Variants in WWC2 observed in about 807,000 individuals in gnomAD.
WWC2 encodes the protein WW and C2 domain containing 2.
A neutral mutation model predicts 138.5 loss-of-function variants in WWC2; 101 were observed. The ratio of observed to expected loss-of-function variants is 0.73; its 90% confidence interval spans 0.62 to 0.86. The LOEUF is 0.86. Ranked by LOEUF, WWC2 falls within the 40% of genes least tolerant of loss-of-function variation. WWC2 has a pLI of 0.00. For synonymous variants in WWC2, 558 were observed against 538.4 expected (o/e 1.04, Z -0.50); for missense variants, 1,420 against 1,419.4 (o/e 1.00, Z -0.01).
intron 1 of WWC2, among the ~76,000 whole-genome samples, chr4:183,107,877 A>G (rs1294154406): frequency 6.6e-6 from 1 of 152,022 alleles, no homozygotes; most frequent in Non-Finnish European, 1.5e-5. Flanking sequence ...ATCATCATTT[A>G]AAAAGTGAAA....
intron 1 of WWC2, among the ~76,000 whole-genome samples, chr4:183,135,683 A>T (rs1733088120): frequency 6.6e-6 from 1 of 152,152 alleles, no homozygotes. Context: ...CTTGCAACTC[A>T]AACCTACCAG....
chr4:183,204,899 A>G (rs1010502678), intron 2 of WWC2, among the ~76,000 whole-genome samples: 4 of 151,968 alleles, frequency 2.6e-5, no homozygotes, highest in African/African-American at 7.3e-5. Flanking sequence ...TTTTCACTCA[A>G]CATGTGTTTG....
chr4:183,231,960 G>C (rs1337246496), intron 4 of WWC2, among the ~76,000 whole-genome samples: 1 of 152,198 alleles, frequency 6.6e-6, no homozygotes, highest in Non-Finnish European at 1.5e-5. Flanking sequence ...CACAGGAGAA[G>C]GTGTGGGATC....
At chr4:183,245,047 T>TG (rs1383958576) in intron 5 of WWC2, among the ~76,000 whole-genome samples, 3 of 151,758 alleles carry the variant, frequency 2.0e-5, no homozygotes, top group Admixed American at 6.6e-5. Flanking sequence ...GCCAACATGG[T>TG]GAAACCCCGT....
At chr4:183,203,473 T>C (rs2111230733) in intron 2 of WWC2, 1 of 152,312 alleles carries the variant, frequency 6.6e-6, no homozygotes, top group South Asian at 2.1e-4. Flanking sequence ...CACTTTCCTT[T>C]TATATGTTCC....
intron 1 of WWC2, among the ~76,000 whole-genome samples, chr4:183,143,180 T>G (rs1307847102): frequency 6.6e-6 from 1 of 152,216 alleles, no homozygotes; most frequent in African/African-American, 2.4e-5. Flanking sequence ...TTTCTGAGTA[T>G]TTATCAATAA....
chr4:183,135,500 G>A (rs1464747927), intron 1 of WWC2, among the ~76,000 whole-genome samples: 1 of 151,640 alleles, frequency 6.6e-6, no homozygotes, highest in African/African-American at 2.4e-5. Flanking sequence ...AGTACTTAAA[G>A]TATCCTTTCC....
intron 2 of WWC2, among the ~76,000 whole-genome samples, chr4:183,202,960 C>T (rs1402779106): frequency 2.0e-5 from 3 of 152,170 alleles, no homozygotes; most frequent in African/African-American, 7.2e-5. Context: ...AAACAGCCCC[C>T]TGAATTAGCT....
chr4:183,286,897 G>A (rs1010966413), intron 20 of WWC2, among the ~76,000 whole-genome samples: 1 of 152,086 alleles, frequency 6.6e-6, no homozygotes, highest in Non-Finnish European at 1.5e-5. Context: ...GCAGTTGGGG[G>A]GTCTCCACAC....
intron 1 of WWC2, among the ~76,000 whole-genome samples, chr4:183,100,267 G>C (rs1444431823): frequency 6.6e-6 from 1 of 152,250 alleles, no homozygotes; most frequent in Non-Finnish European, 1.5e-5. Flanking sequence ...CCCAGATCGG[G>C]AACAGGCATA....
At chr4:183,226,506 A>G (rs368847372) in intron 4 of WWC2, among the ~76,000 whole-genome samples, 3 of 152,240 alleles carry the variant, frequency 2.0e-5, no homozygotes, top group African/African-American at 7.2e-5. Context: ...ATAGGCTTAA[A>G]GAAGAATACT....
chr4:183,256,731 C>T (rs529334945), intron 9 of WWC2, among the ~76,000 whole-genome samples: 10 of 152,250 alleles, frequency 6.6e-5, no homozygotes, highest in Non-Finnish European at 1.3e-4. Flanking sequence ...AGCTACCTGC[C>T]GTATTCCCCA....
At chr4:183,191,801 C>T (rs1330328078) in intron 1 of WWC2, among the ~76,000 whole-genome samples, 1 of 151,958 alleles carries the variant, frequency 6.6e-6, no homozygotes, top group East Asian at 1.9e-4. Context: ...GATCATGGCT[C>T]ACTGCAGCCT....
At chr4:183,207,619 G>A (rs1162717344) in intron 2 of WWC2, among the ~76,000 whole-genome samples, 1 of 152,154 alleles carries the variant, frequency 6.6e-6, no homozygotes, top group East Asian at 1.9e-4. Flanking sequence ...GGTGGGTTGG[G>A]TCCAGCTTAT....
chr4:183,233,136 TTC>T (rs1464501856), intron 4 of WWC2, among the ~76,000 whole-genome samples: 2 of 151,162 alleles, frequency 1.3e-5, no homozygotes, highest in Non-Finnish European at 2.9e-5. Context: ...TATTTTTTTT[TTC>T]TTTTTAAACC....
At chr4:183,299,239 C>T (rs1738740519) in intron 21 of WWC2, among the ~76,000 whole-genome samples, 1 of 152,000 alleles carries the variant, frequency 6.6e-6, no homozygotes, top group African/African-American at 2.4e-5. Context: ...GCCCTCATGC[C>T]TACTCACCTC....
At chr4:183,106,948 G>A (rs1743380755) in intron 1 of WWC2, among the ~76,000 whole-genome samples, 1 of 152,092 alleles carries the variant, frequency 6.6e-6, no homozygotes, top group Admixed American at 6.6e-5. Context: ...ATGTCTAAAA[G>A]TGGAGTTGCT....
intron 21 of WWC2, among the ~76,000 whole-genome samples, chr4:183,306,211 C>CA (rs1336011986): frequency 6.6e-6 from 1 of 152,048 alleles, no homozygotes; most frequent in African/African-American, 2.4e-5. Flanking sequence ...GAGTAGAAGA[C>CA]AAACATAGGA....
At chr4:183,268,386 C>T (rs1202023470) in intron 14 of WWC2, among the ~76,000 whole-genome samples, 1 of 152,196 alleles carries the variant, frequency 6.6e-6, no homozygotes. Flanking sequence ...ACTCTTAAAA[C>T]AGTTTGTCGT....
Sources: gnomAD v4.1 joint callset for allele counts (sites outside exome capture counted in the v4.1 genomes callset) on GRCh38, gnomAD v4.1.1 for gene constraint, MANE v1.5 for transcripts, NCBI Gene and HGNC (gene_info 2026-07-23, HGNC 2026-07-21) for gene names.